HSPA12A: variants seen among roughly 807,000 people sequenced by gnomAD.
HSPA12A encodes heat shock protein family A (Hsp70) member 12A.
In HSPA12A, 28 loss-of-function variants were observed where a neutral mutation model predicts 69.2. The ratio of observed to expected loss-of-function variants is 0.40; its 90% CI spans 0.30 to 0.55. HSPA12A has a LOEUF of 0.55. Among genes scored for constraint, HSPA12A ranks in the 20% least tolerant of loss-of-function variants. HSPA12A has a pLI of 0.38. For missense variants in HSPA12A, 686 were observed against 900.7 expected (o/e 0.76, Z 3.05); for synonymous variants, 345 against 370.5 (o/e 0.93, Z 0.79).
chr10:116,699,819 T>C lies in HSPA12A; in HGVS notation c.442-1080A>G, dbSNP rs1222000053. ...CAGCATTGAATCCCATTAGGCAAAATAGGAACAGTTCATTTCTAGCAGAAC... is the reference window on the plus strand; with the variant it reads ...CAGCATTGAATCCCATTAGGCAAAACAGGAACAGTTCATTTCTAGCAGAAC... On this transcript the variant is annotated intron_variant, in intron 4 of 11. Transcript: ENST00000369209. 2.0e-5 allele frequency among the ~76,000 whole-genome samples: 3 copies of C among 152,122 alleles called. No individual in the cohort carries two copies. In the East Asian group the frequency reaches 5.8e-4, roughly 29 times the overall value.
intron 2 of HSPA12A, among the ~76,000 whole-genome samples, chr10:116,816,362 C>T (rs1845304056): frequency 6.6e-6 from 1 of 152,252 alleles, no homozygotes; most frequent in Admixed American, 6.5e-5. Context: ...TGGTCTCTGG[C>T]ACCCCGCATA....
At chr10:116,845,183 A>G (rs1845859635) in intron 1 of HSPA12A, among the ~76,000 whole-genome samples, 3 of 152,208 alleles carry the variant, frequency 2.0e-5, no homozygotes, top group Admixed American at 2.0e-4. Context: ...ATCCCTTTTC[A>G]TATGCATGAA....
chr10:116,765,597 T>A (rs1304890462), intron 2 of HSPA12A, among the ~76,000 whole-genome samples: 1 of 152,176 alleles, frequency 6.6e-6, no homozygotes, highest in East Asian at 1.9e-4. Context: ...TTTTTAGAGG[T>A]ACATGAGTGT....
Position 116,725,928 on chromosome 10 carries a change from C to T in HSPA12A, c.40+16502G>A, listed in dbSNP as rs139047367. On this transcript the variant is annotated intron_variant, in intron 1 of 11. Transcript: ENST00000369209. ...GTGCTATCTTAAGGCCTGCCTCTAC[C>T]GGCATAGGACTCCGTTTACAGAATG... 4.0e-3 allele frequency among the ~76,000 whole-genome samples: 609 copies of T among 152,136 alleles called. 6 individuals are homozygous for T. Among genetic ancestry groups the T allele is most frequent in the African/African-American group, 0.014 (584 of 41,494 alleles).
chr10:116,708,779 T>C (rs1554882771), intron 1 of HSPA12A, among the ~76,000 whole-genome samples: 1 of 152,064 alleles, frequency 6.6e-6, no homozygotes, highest in Admixed American at 6.5e-5. Flanking sequence ...TATCAACAAG[T>C]ATATGAAAAG....
chr10:116,810,276 C>T (rs1306467964), intron 2 of HSPA12A, among the ~76,000 whole-genome samples: 1 of 152,146 alleles, frequency 6.6e-6, no homozygotes, highest in East Asian at 1.9e-4. Context: ...CTGCAGCCAC[C>T]GTTTCATTTT....
At chr10:116,732,100 G>A (rs1358956213) in intron 1 of HSPA12A, among the ~76,000 whole-genome samples, 1 of 152,040 alleles carries the variant, frequency 6.6e-6, no homozygotes. Context: ...GGAGGCCAAG[G>A]TAGGCAGATC....
At chr10:116,696,002 C>CAAAAAAAAAA (rs71013609) in intron 5 of HSPA12A, among the ~76,000 whole-genome samples, 481 of 32,580 alleles carry the variant, frequency 0.015, 41 homozygotes, top group African/African-American at 0.023. Flanking sequence ...GACTCCATCT[C>CAAAAAAAAAA]AAAAAAAAAA....
intron 1 of HSPA12A, among the ~76,000 whole-genome samples, chr10:116,837,048 T>A (rs1845726584): frequency 6.6e-6 from 1 of 152,118 alleles, no homozygotes; most frequent in Non-Finnish European, 1.5e-5. Context: ...ATTTGCTGAT[T>A]TTTCAGACCT....
chr10:116,728,499 A>G (rs1554885327), intron 1 of HSPA12A, among the ~76,000 whole-genome samples: 1 of 152,230 alleles, frequency 6.6e-6, no homozygotes, highest in Non-Finnish European at 1.5e-5. Context: ...AACCTGGTAC[A>G]CAGTCACCTG....
At chr10:116,763,947 G>T (rs1054784925) in intron 2 of HSPA12A, among the ~76,000 whole-genome samples, 2 of 152,012 alleles carry the variant, frequency 1.3e-5, no homozygotes, top group Non-Finnish European at 2.9e-5. Flanking sequence ...TGGCGTTATT[G>T]GGGGGGCGGT....
intron 1 of HSPA12A, among the ~76,000 whole-genome samples, chr10:116,724,349 T>C (rs1270594537): frequency 6.6e-6 from 1 of 152,240 alleles, no homozygotes; most frequent in African/African-American, 2.4e-5. Context: ...TACCTATTTA[T>C]AGGTGCCTGT....
At chr10:116,742,583 G>T, upstream of HSPA12A, 1 of 1,132,134 alleles carries the variant, frequency 8.8e-7, no homozygotes, top group Non-Finnish European at 1.1e-6. Flanking sequence ...CCGGGCAGCG[G>T]GAGCGCTGCT....
In HSPA12A at chr10:116,674,793, GA is replaced by G; in HGVS notation, c.2015del (p.Phe672SerfsTer2). On this transcript the variant is annotated frameshift_variant, in exon 12 of 12. Coordinates refer to ENST00000369209, the MANE Select transcript of HSPA12A (RefSeq NM_025015.3). LOFTEE classifies it high-confidence loss of function. ...CGGGGCGGGAGGGTTAGTAATTTAA[GA>G]AGTCGATCCCAACTTTGACACTCTT... ...TSKSVKVGID[F>X]LNY is the part of the protein sequence containing the mutation. 2 of 1,605,392 alleles carry G rather than the reference GA, an allele frequency of 1.2e-6. No individual in the cohort carries two copies. Among genetic ancestry groups the G allele is most frequent in the Non-Finnish European group, 1.7e-6 (2 of 1,174,844 alleles).
intron 2 of HSPA12A, chr10:116,750,274 G>C: frequency 1.2e-6 from 1 of 815,528 alleles, no homozygotes; most frequent in South Asian, 1.3e-5. Flanking sequence ...AAGTGGAGGT[G>C]ACTGGTGATG....
rs781909167 is a variant in HSPA12A, at chr10:116,681,805, G to A, written c.908C>T (p.Ser303Phe). ...AAGGACGCTACCTTCCTCCAGCTCGGACCAGATTTCTCCTATGACATTCTC... is the reference window on the plus strand; with the variant it reads ...AAGGACGCTACCTTCCTCCAGCTCGAACCAGATTTCTCCTATGACATTCTC... ...LVENVIGEIW[S>F]ELEEGDKYVV... Residue 303 changes from serine (S) to phenylalanine (F), a missense_variant, in exon 8 of 12, where the codon TCC becomes TTC. Physicochemically the swap from Ser to Phe is radical, Grantham distance 155. Transcript: ENST00000369209. The A allele has an allele frequency of 2.5e-6, 4 of 1,613,946 alleles. No individual in the cohort carries two copies. The highest frequency in any genetic ancestry group is 4.5e-5 in the East Asian group (2 of 44,876).
chr10:116,707,155 A>G (rs112484920), intron 2 of HSPA12A, 45 bp downstream of exon 2: 2,901 of 131,040 alleles, frequency 0.022, 16 homozygotes, highest in African/African-American at 0.04. Flanking sequence ...CCATGCGCGC[A>G]CACACACACA....
rs138785124 is a variant in HSPA12A, at chr10:116,734,498, C to G, written c.40+7932G>C. ...ACCCATCCAGGGTGTCACCCACACA[C>G]CCATACCCATCATTTTCTTATAGGG... On this transcript the variant is annotated intron_variant, in intron 1 of 11. Coordinates refer to ENST00000369209, the MANE Select transcript of HSPA12A (RefSeq NM_025015.3). Among the ~76,000 whole-genome samples the G allele has an allele frequency of 5.8e-3, 873 of 151,414 alleles. 7 individuals are homozygous for G. Among genetic ancestry groups the G allele is most frequent in the African/African-American group, 0.02 (828 of 41,240 alleles).
chr10:116,677,244 C>T (rs1163058179), intron 10 of HSPA12A, among the ~76,000 whole-genome samples: 1 of 152,242 alleles, frequency 6.6e-6, no homozygotes, highest in Non-Finnish European at 1.5e-5. Context: ...TAAGCAAATG[C>T]CAGGGACTGT....
Sources: gnomAD v4.1 joint callset for allele counts (sites outside exome capture counted in the v4.1 genomes callset) on GRCh38, gnomAD v4.1.1 for gene constraint, MANE v1.5 for transcripts, NCBI Gene and HGNC (gene_info 2026-07-23, HGNC 2026-07-21) for gene names.